Variants in PRICKLE2 observed in about 807,000 individuals in gnomAD.
The protein encoded by PRICKLE2 is prickle-like protein 2.
Under a neutral mutation model 81.4 loss-of-function variants are expected in PRICKLE2, and 21 were observed. That is an observed-to-expected ratio of 0.26 (90% CI 0.18 to 0.37). The LOEUF is 0.37. Ranked by LOEUF, PRICKLE2 falls within the 10% of genes least tolerant of loss-of-function variation. The pLI, the probability that PRICKLE2 is intolerant of heterozygous loss-of-function variation, is 1.00. For synonymous variants in PRICKLE2, 456 were observed against 421.5 expected, an observed-to-expected ratio of 1.08 and a Z score of -1.00; for missense variants, 940 against 1,109.0, an observed-to-expected ratio of 0.85 and a Z score of 2.16.
chr3:64,161,228 A>T (rs1575604753), intron 3 of PRICKLE2, among the ~76,000 whole-genome samples: 1 of 152,202 alleles, frequency 6.6e-6, no homozygotes, highest in Admixed American at 6.5e-5. Context: ...AACTCTCTCA[A>T]TATGTGGTTT....
chr3:64,183,441 C>T (rs2078168388), intron 2 of PRICKLE2, among the ~76,000 whole-genome samples: 1 of 151,818 alleles, frequency 6.6e-6, no homozygotes, highest in East Asian at 1.9e-4. Context: ...TATAGTATAA[C>T]CATAGGTTAT....
chr3:64,118,298 G>A (rs1487132539), intron 7 of PRICKLE2, among the ~76,000 whole-genome samples: 2 of 152,188 alleles, frequency 1.3e-5, no homozygotes, highest in African/African-American at 4.8e-5. Flanking sequence ...AAGATTTCAT[G>A]ATGAAGACAC....
intron 1 of PRICKLE2, among the ~76,000 whole-genome samples, chr3:64,211,779 C>G (rs928387918): frequency 2.0e-5 from 3 of 152,166 alleles, no homozygotes; most frequent in Admixed American, 6.5e-5. Context: ...ACAGAAGGTT[C>G]CTGGTTAACA....
intron 7 of PRICKLE2, among the ~76,000 whole-genome samples, chr3:64,106,757 G>A (rs1258170618): frequency 1.3e-5 from 2 of 152,136 alleles, no homozygotes; most frequent in African/African-American, 4.8e-5. Flanking sequence ...TAAGCCATGG[G>A]GTGTGTGTGT....
rs570390736 is a variant in PRICKLE2 at position 64,103,730 on chromosome 3, A to AGCACTTTG, written c.1661-3813_1661-3806dup. On this transcript the variant is annotated intron_variant, in intron 7 of 7. Coordinates refer to ENST00000638394, the MANE Select transcript of PRICKLE2 (RefSeq NM_198859.4). ...TGTGGTGGCTCATGCCTGTAATCCC[A>AGCACTTTG]GCACTTTGGGAGGCCAAGGAGGGTG... is the stretch of plus-strand genomic sequence containing the variant. 1.4e-3 allele frequency among the ~76,000 whole-genome samples: 219 copies of AGCACTTTG among 152,368 alleles called. 1 individual carries two copies. Among genetic ancestry groups the AGCACTTTG allele is most frequent in the Admixed American group, 4.8e-3 (74 of 15,302 alleles).
At chr3:64,144,659 G>A (rs1194699277) in intron 7 of PRICKLE2, among the ~76,000 whole-genome samples, 1 of 152,220 alleles carries the variant, frequency 6.6e-6, no homozygotes, top group Non-Finnish European at 1.5e-5. Flanking sequence ...ACATCTTAGA[G>A]CGCTACTCTT....
rs970384366 is a variant in PRICKLE2 at position 64,225,466 on chromosome 3, T to C, written c.-597A>G. 1.8e-5 allele frequency: 18 copies of C among 985,218 alleles called. No homozygotes were observed. Among genetic ancestry groups the C allele is most frequent in the Admixed American group, 6.2e-5 (1 of 16,244 alleles). 61.0% of individuals were successfully genotyped at this position (985,218 alleles called of 1,614,324 possible). A position where few individuals can be genotyped will look rare whatever the true frequency, so the allele number is the denominator to read the frequency against. ...GGTGCCTGAGAAGTCGCTGTTGCAG[T>C]GCTTGCATCCTCCGCATGCTAATGA... On this transcript the variant is annotated 5_prime_UTR_variant, in exon 1 of 8. Coordinates refer to ENST00000638394, the MANE Select transcript of PRICKLE2 (RefSeq NM_198859.4).
chr3:64,250,593 T>C (rs1362980818), intron 2 of PRICKLE2, among the ~76,000 whole-genome samples: 3 of 152,176 alleles, frequency 2.0e-5, no homozygotes, highest in African/African-American at 7.2e-5. Flanking sequence ...AGGGCATTGA[T>C]AAGAACATTA....
intron 7 of PRICKLE2, among the ~76,000 whole-genome samples, chr3:64,137,485 T>C (rs2077295593): frequency 1.3e-5 from 2 of 152,116 alleles, no homozygotes; most frequent in South Asian, 4.2e-4. Context: ...TTACTGACTG[T>C]GGGTATAGAT....
intron 2 of PRICKLE2, among the ~76,000 whole-genome samples, chr3:64,172,818 A>G (rs1374756083): frequency 6.6e-6 from 1 of 152,216 alleles, no homozygotes; most frequent in East Asian, 1.9e-4. Flanking sequence ...CCTATTCAAT[A>G]AGACTGGTGT....
At chr3:64,190,826 C>T (rs1011009689) in intron 2 of PRICKLE2, among the ~76,000 whole-genome samples, 7 of 152,170 alleles carry the variant, frequency 4.6e-5, no homozygotes, top group African/African-American at 1.7e-4. Context: ...GGAAGACTCC[C>T]TTTGCACTCT....
At chr3:64,218,058 ATC>A (rs2078899662) in intron 1 of PRICKLE2, among the ~76,000 whole-genome samples, 1 of 152,216 alleles carries the variant, frequency 6.6e-6, no homozygotes, top group Non-Finnish European at 1.5e-5. Context: ...CAGAAAAAGT[ATC>A]TGTCATACTG....
chr3:64,249,123 A>G (rs1421632108), intron 2 of PRICKLE2, among the ~76,000 whole-genome samples: 1 of 152,222 alleles, frequency 6.6e-6, no homozygotes, highest in Admixed American at 6.5e-5. Flanking sequence ...AAGAGGTTTA[A>G]TTGGCTCTTG....
intron 7 of PRICKLE2, among the ~76,000 whole-genome samples, chr3:64,110,663 G>T (rs2076829857): frequency 6.6e-6 from 1 of 152,156 alleles, no homozygotes; most frequent in South Asian, 2.1e-4. Context: ...CAAGGGCAGG[G>T]AAAAGTGTTC....
intron 2 of PRICKLE2, among the ~76,000 whole-genome samples, chr3:64,246,019 TG>T (rs1327790174): frequency 1.3e-5 from 2 of 152,028 alleles, no homozygotes; most frequent in Non-Finnish European, 2.9e-5. Context: ...CCAAGGCAGG[TG>T]GATCACTTGA....
At chr3:64,189,426 C>G (rs1336963505) in intron 2 of PRICKLE2, among the ~76,000 whole-genome samples, 1 of 152,194 alleles carries the variant, frequency 6.6e-6, no homozygotes, top group Non-Finnish European at 1.5e-5. Context: ...AGTCTGCTTT[C>G]TTGGATCTGA....
chr3:64,205,710 T>G (rs1331847778), intron 1 of PRICKLE2, among the ~76,000 whole-genome samples: 1 of 152,208 alleles, frequency 6.6e-6, no homozygotes, highest in East Asian at 1.9e-4. Context: ...TAAGCCTGTT[T>G]TTTACTTTTC....
At chr3:64,186,947 A>G (rs904525797) in intron 2 of PRICKLE2, among the ~76,000 whole-genome samples, 11 of 152,216 alleles carry the variant, frequency 7.2e-5, no homozygotes, top group Admixed American at 7.2e-4. Flanking sequence ...CAGGAAGTCT[A>G]AGTAAGAGGC....
rs1043081920 is a variant in PRICKLE2, at chr3:64,092,757, G to A, written c.*6294C>T. 1 of 152,150 alleles carries A rather than the reference G, an allele frequency of 6.6e-6. No homozygotes were observed. Among genetic ancestry groups the A allele is most frequent in the Non-Finnish European group, 1.5e-5 (1 of 68,022 alleles). The allele number at this position is 152,150 out of a possible 1,614,324, so 9.4% of individuals were successfully genotyped here. On this transcript the variant is annotated 3_prime_UTR_variant, in exon 8 of 8. Transcript: ENST00000638394. ...AAAATTAACTGTGTGGCCTGGGTAG[G>A]AATCAGTTTCAAGAATTCTCAAGGA...
Sources: gnomAD v4.1 joint callset for allele counts (sites outside exome capture counted in the v4.1 genomes callset) on GRCh38, gnomAD v4.1.1 for gene constraint, MANE v1.5 for transcripts, NCBI Gene and HGNC (gene_info 2026-07-23, HGNC 2026-07-21) for gene names.